NCR2: variants seen among roughly 807,000 people sequenced by gnomAD.
NCR2 encodes natural cytotoxicity triggering receptor 2.
A neutral mutation model predicts 30.7 loss-of-function variants in NCR2; 35 were observed. The observed-to-expected ratio is 1.14, with a 90% CI of 0.87 to 1.51. The LOEUF (loss-of-function observed/expected upper bound fraction) is 1.51, where lower values mean the gene tolerates loss of function less well. NCR2 is among the 40% of genes most tolerant of loss of function. NCR2 has a pLI of 0.00. For synonymous variants in NCR2, 146 were observed against 134.8 expected, an observed-to-expected ratio of 1.08 and a Z score of -0.58; for missense variants, 316 against 328.9, an observed-to-expected ratio of 0.96 and a Z score of 0.30.
chr6:41,349,650 G>A (rs1475727542), intron 4 of NCR2, among the ~76,000 whole-genome samples: 1 of 152,178 alleles, frequency 6.6e-6, no homozygotes, highest in Non-Finnish European at 1.5e-5. Flanking sequence ...CATGTGCTGG[G>A]AGGTATGGTG....
intron 2 of NCR2, among the ~76,000 whole-genome samples, chr6:41,336,992 CCTAT>C (rs1280895630): frequency 4.6e-5 from 7 of 152,120 alleles, no homozygotes; most frequent in African/African-American, 1.7e-4. Context: ...CACTCAATTA[CCTAT>C]TGTCTGTGGC....
At chr6:41,350,565 G>T (rs1446159136) in intron 4 of NCR2, 113 bp from the exon 5 acceptor site, 10 of 856,214 alleles carry the variant, frequency 1.2e-5, no homozygotes, top group Non-Finnish European at 1.5e-5. Context: ...TTGTGAGGTG[G>T]GTATGGCAAC....
rs1041055099 is a variant in NCR2 at position 41,350,717 on chromosome 6, C to A, written c.684C>A (p.Ser228Arg). 6.2e-7 allele frequency: 1 copy of A among 1,613,918 alleles called. No homozygotes were observed. Among genetic ancestry groups the A allele is most frequent in the African/African-American group, 1.3e-5 (1 of 74,882 alleles). Residue 228 changes from serine to arginine, a missense_variant, in exon 5 of 5, where the codon AGC (serine) becomes AGA (arginine). By Grantham distance (110) the Ser-to-Arg change is moderately radical. Coordinates refer to ENST00000373089, the MANE Select transcript of NCR2 (RefSeq NM_004828.4). ...IWWKTMMELRSLDTQKATCHL... is the reference protein window; with the variant it reads ...IWWKTMMELRRLDTQKATCHL... ...GGAAAACCATGATGGAGCTCAGGAG[C>A]CTGGATACCCAAAAAGCCACCTGCC...
intron 4 of NCR2, among the ~76,000 whole-genome samples, chr6:41,349,514 C>T (rs142162358): frequency 3.3e-5 from 5 of 152,296 alleles, no homozygotes; most frequent in Non-Finnish European, 7.3e-5. Context: ...TTTCACCCCA[C>T]CTCCCATACC....
intron 2 of NCR2, among the ~76,000 whole-genome samples, chr6:41,339,478 T>G (rs1009329029): frequency 2.0e-5 from 3 of 148,166 alleles, no homozygotes; most frequent in Admixed American, 6.7e-5. Context: ...CTCCGCCTCC[T>G]GGGTTCACAC....
chr6:41,350,520 T>A (rs979925089), intron 4 of NCR2, among the ~76,000 whole-genome samples, 158 bp from the exon 5 acceptor site: 7 of 152,176 alleles, frequency 4.6e-5, no homozygotes, highest in African/African-American at 1.7e-4. Context: ...CACTGACACT[T>A]TTCTGGCAGC....
At chr6:41,345,979 G>A (rs547455180) in intron 4 of NCR2, among the ~76,000 whole-genome samples, 1 of 151,996 alleles carries the variant, frequency 6.6e-6, no homozygotes, top group African/African-American at 2.4e-5. Flanking sequence ...CCAAGGGTGG[G>A]GTCAGTGTCC....
chr6:41,346,751 C>A (rs1397731904), intron 4 of NCR2, among the ~76,000 whole-genome samples: 1 of 151,866 alleles, frequency 6.6e-6, no homozygotes, highest in Admixed American at 6.6e-5. Flanking sequence ...CTCTGTCCTC[C>A]CTCTCCACAT....
chr6:41,340,786 C>T (rs1769149833), intron 2 of NCR2, among the ~76,000 whole-genome samples: 1 of 152,130 alleles, frequency 6.6e-6, no homozygotes, highest in Non-Finnish European at 1.5e-5. Flanking sequence ...CCAGAGTGTC[C>T]CAAACACCTC....
intron 2 of NCR2, among the ~76,000 whole-genome samples, chr6:41,336,995 A>G (rs961148221): frequency 1.3e-5 from 2 of 152,156 alleles, no homozygotes; most frequent in Non-Finnish European, 2.9e-5. Flanking sequence ...TCAATTACCT[A>G]TTGTCTGTGG....
chr6:41,350,636 G>A, intron 4 of NCR2, 42 bp from the exon 5 acceptor site: 1 of 1,567,712 alleles, frequency 6.4e-7, no homozygotes, highest in Non-Finnish European at 8.7e-7. Flanking sequence ...CAATTATGTG[G>A]CAGTCTCTGA....
At chr6:41,345,091 A>T (rs758984801) in intron 4 of NCR2, among the ~76,000 whole-genome samples, 3 of 152,072 alleles carry the variant, frequency 2.0e-5, no homozygotes, top group Non-Finnish European at 2.9e-5. Flanking sequence ...TGTCACCCTC[A>T]TCAGAGACTT....
chr6:41,338,022 A>G (rs568368731), intron 2 of NCR2, among the ~76,000 whole-genome samples: 14 of 152,376 alleles, frequency 9.2e-5, no homozygotes, highest in African/African-American at 3.4e-4. Context: ...ATGTTATTAA[A>G]TTAAGAACAT....
At chr6:41,350,502 T>G (rs1197468664) in intron 4 of NCR2, among the ~76,000 whole-genome samples, 176 bp from the exon 5 acceptor site, 1 of 152,204 alleles carries the variant, frequency 6.6e-6, no homozygotes, top group South Asian at 2.1e-4. Context: ...TCAAAATCCA[T>G]GCATGCTCAC....
At chr6:41,342,645 G>C (rs890504806) in intron 4 of NCR2, among the ~76,000 whole-genome samples, 4 of 152,080 alleles carry the variant, frequency 2.6e-5, no homozygotes, top group African/African-American at 9.7e-5. Context: ...TGCCCTTCCA[G>C]GCAAGCCCAA....
At chr6:41,346,338 C>A (rs960497598) in intron 4 of NCR2, among the ~76,000 whole-genome samples, 1 of 151,824 alleles carries the variant, frequency 6.6e-6, no homozygotes, top group South Asian at 2.1e-4. Flanking sequence ...GCGCCAATAG[C>A]CCCCCTCTTA....
intron 4 of NCR2, among the ~76,000 whole-genome samples, chr6:41,343,218 G>A (rs971946752): frequency 1.9e-4 from 29 of 152,252 alleles, no homozygotes; most frequent in African/African-American, 7.0e-4. Context: ...CCCGTTGTGG[G>A]AGCAAAGCCC....
intron 4 of NCR2, among the ~76,000 whole-genome samples, chr6:41,344,334 A>G (rs1207956551): frequency 6.6e-6 from 1 of 152,104 alleles, no homozygotes; most frequent in African/African-American, 2.4e-5. Context: ...GCTGGTCAAG[A>G]GGCGCCTCAA....
At chr6:41,342,287 A>G in intron 4 of NCR2, 138 bp downstream of exon 4, 1 of 1,190,896 alleles carries the variant, frequency 8.4e-7, no homozygotes, top group Non-Finnish European at 1.2e-6. Context: ...TAAAGCCCTC[A>G]TGGAGTCCAT....
Sources: gnomAD v4.1 joint callset for allele counts (sites outside exome capture counted in the v4.1 genomes callset) on GRCh38, gnomAD v4.1.1 for gene constraint, MANE v1.5 for transcripts, NCBI Gene and HGNC (gene_info 2026-07-23, HGNC 2026-07-21) for gene names.